The following CIITA variants were observed in gnomAD, a reference collection of about 807,000 sequenced individuals.
CIITA encodes class II major histocompatibility complex transactivator, also known as MHC class II transactivator.
Under a neutral mutation model 115.1 loss-of-function variants are expected in CIITA, and 72 were observed. The ratio of observed to expected loss-of-function variants is 0.63; its 90% CI spans 0.52 to 0.76. The LOEUF (loss-of-function observed/expected upper bound fraction) is 0.76. Among genes scored for constraint, CIITA ranks in the 30% least tolerant of loss-of-function variants. The probability of loss-of-function intolerance (pLI) is 0.00; values close to 1 mark genes in which losing one functional copy is unlikely to be tolerated. For missense variants in CIITA, 1,617 were observed against 1,463.8 expected, an observed-to-expected ratio of 1.10 and a Z score of -1.71; for synonymous variants, 763 against 635.6, an observed-to-expected ratio of 1.20 and a Z score of -3.02.
chr16:10,891,173 C>T (rs2037533092), intron 1 of CIITA, among the ~76,000 whole-genome samples: 1 of 152,036 alleles, frequency 6.6e-6, no homozygotes, highest in Admixed American at 6.6e-5. Flanking sequence ...TCTGTGATAC[C>T]ACCTGTGTCT....
At chr16:10,913,942 A>AAAATAAATAAATAAATAAATAAAT (rs59779472) in intron 13 of CIITA, among the ~76,000 whole-genome samples, 3,608 of 133,032 alleles carry the variant, frequency 0.027, 68 homozygotes, top group African/African-American at 0.048. Context: ...CCCCATCTCA[A>AAAATAAATAAATAAATAAATAAAT]AAATAAATAA....
At chr16:10,874,116 T>C (rs538995790), upstream of CIITA, among the ~76,000 whole-genome samples, 2 of 152,216 alleles carry the variant, frequency 1.3e-5, no homozygotes, top group Admixed American at 1.3e-4. Context: ...CCCAAGTAAC[T>C]GGGATTACAG....
At chr16:10,876,183 A>C (rs528204294), upstream of CIITA, among the ~76,000 whole-genome samples, 377 of 151,610 alleles carry the variant, frequency 2.5e-3, 15 homozygotes, top group South Asian at 0.075. Context: ...AACAAAAAAA[A>C]CCCCAACAAT....
chr16:10,884,786 T>C (rs919480374), intron 1 of CIITA, among the ~76,000 whole-genome samples: 2 of 152,136 alleles, frequency 1.3e-5, no homozygotes, highest in African/African-American at 4.8e-5. Context: ...CCCCAGATGC[T>C]GCAACTTTAG....
At chr16:10,899,110 T>A in intron 5 of CIITA, 108 bp downstream of exon 5, 1 of 1,054,856 alleles carries the variant, frequency 9.5e-7, no homozygotes, top group Non-Finnish European at 1.5e-6. Context: ...AAGTCCTGTC[T>A]GGTTGGGAGG....
At chr16:10,904,675 G>T (rs1453715153) in intron 9 of CIITA, 69 bp from the exon 10 acceptor site, 20 of 1,534,652 alleles carry the variant, frequency 1.3e-5, no homozygotes, top group Non-Finnish European at 1.7e-5. Flanking sequence ...GGACTAAGTG[G>T]CCCAGAGGGA....
Position 10,898,933 on chromosome 16 carries a change from G to C in CIITA, c.367G>C (p.Gly123Arg). Residue 123 changes from glycine (G) to arginine (R), a missense_variant, in exon 5 of 20, where the codon GGA becomes CGA. Physicochemically the swap from Gly to Arg is moderately radical, Grantham distance 125. Transcript: ENST00000324288. ...GGTTTTTCTCAAAGTAGAGCACATAGGACCAGATGAAGTGATCGGTGAGAG... is the reference window on the plus strand; with the variant it reads ...GGTTTTTCTCAAAGTAGAGCACATACGACCAGATGAAGTGATCGGTGAGAG... ...GLSKDIFKHI[G>R]PDEVIGESME... 13 of 1,613,928 alleles carry C rather than the reference G, an allele frequency of 8.1e-6. No individual in the cohort carries two copies. The highest frequency in any genetic ancestry group is 1.3e-5 in the African/African-American group (1 of 74,958).
intron 10 of CIITA, 116 bp downstream of exon 10, chr16:10,904,928 C>CATTT (rs2039035762): frequency 9.6e-7 from 1 of 1,036,414 alleles, no homozygotes; most frequent in Non-Finnish European, 1.5e-6. Flanking sequence ...CTCACACACT[C>CATTT]ATTTATTTAT....
At chr16:10,881,422 A>T (rs1326221401) in intron 1 of CIITA, among the ~76,000 whole-genome samples, 1 of 152,256 alleles carries the variant, frequency 6.6e-6, no homozygotes, top group Non-Finnish European at 1.5e-5. Context: ...ACCGATTCTC[A>T]TAGGAAGGAC....
intron 1 of CIITA, 115 bp from the exon 2 acceptor site, chr16:10,895,167 C>T: frequency 7.9e-7 from 1 of 1,265,132 alleles, no homozygotes; most frequent in Admixed American, 1.7e-5. Context: ...TGAATGAGCG[C>T]TTTTATTCAC....
At chr16:10,868,167 C>A (rs2143172415) in intron 1 of CIITA, among the ~76,000 whole-genome samples, 1 of 152,276 alleles carries the variant, frequency 6.6e-6, no homozygotes, top group East Asian at 1.9e-4. Context: ...CCAGAAACAG[C>A]CTAAGCGCAA....
chr16:10,906,567 A>G lies in CIITA; in HGVS notation c.1075A>G (p.Ile359Val), dbSNP rs2039171491. 1 of 1,613,394 alleles carries G rather than the reference A, an allele frequency of 6.2e-7. No individual in the cohort carries two copies. Residue 359 changes from isoleucine to valine, a missense_variant, in exon 11 of 20, where the codon ATC becomes GTC. Ile to Val is a conservative substitution (Grantham distance 29, BLOSUM62 3). Coordinates refer to ENST00000324288, the MANE Select transcript of CIITA (RefSeq NM_000246.4). ...YGAEPAGPDG[I>V]LVEVDLVQAR... ...TGCCGAGCCCGCAGGCCCGGATGGCATCCTAGTGGAGGTGGATCTGGTGCA... is the reference window on the plus strand; with the variant it reads ...TGCCGAGCCCGCAGGCCCGGATGGCGTCCTAGTGGAGGTGGATCTGGTGCA...
chr16:10,918,644 T>A, intron 16 of CIITA, 118 bp downstream of exon 16: 1 of 812,216 alleles, frequency 1.2e-6, no homozygotes, highest in East Asian at 2.5e-5. Flanking sequence ...ACCACAGCCC[T>A]GAACAAAAGG....
At chr16:10,902,313 C>T in intron 7 of CIITA, 129 bp downstream of exon 7, 1 of 1,346,962 alleles carries the variant, frequency 7.4e-7, no homozygotes, top group South Asian at 1.3e-5. Context: ...TCACTCACCT[C>T]TGCCCCAGCC....
intron 10 of CIITA, among the ~76,000 whole-genome samples, chr16:10,905,260 A>G (rs991873319): frequency 2.0e-5 from 3 of 152,216 alleles, no homozygotes; most frequent in Non-Finnish European, 2.9e-5. Context: ...CACAATCCCA[A>G]TATTATCCCC....
chr16:10,891,328 T>G lies in CIITA; in HGVS notation c.53-3954T>G, dbSNP rs1364850078. On this transcript the variant is annotated intron_variant, in intron 1 of 19. Coordinates refer to ENST00000324288, the MANE Select transcript of CIITA (RefSeq NM_000246.4). ...GCCACCGACAGGCTATGAGGTCTTG[T>G]GCAAGTCACGTCCTTCCCGGGGTCT... Among the ~76,000 whole-genome samples the G allele has an allele frequency of 3.9e-5, 6 of 151,982 alleles. No homozygotes were observed. In the East Asian group the frequency reaches 1.2e-3, roughly 29 times the overall value.
chr16:10,898,203 AG>A (rs1377083258), intron 3 of CIITA, among the ~76,000 whole-genome samples: 2 of 152,114 alleles, frequency 1.3e-5, no homozygotes, highest in Non-Finnish European at 2.9e-5. Flanking sequence ...CTATTTACTG[AG>A]TGCCTACTGT....
In CIITA at chr16:10,942,332, A is replaced by C; in HGVS notation, n.1458A>C. 4.0e-6 allele frequency: 1 copy of C among 250,594 alleles called. No homozygotes were observed. The highest frequency in any genetic ancestry group is 7.7e-6 in the Non-Finnish European group (1 of 129,162). The allele number at this position is 250,594 out of a possible 1,614,324, so 15.5% of individuals were successfully genotyped here. A position where few individuals can be genotyped will look rare whatever the true frequency, so the allele number is the denominator to read the frequency against. On this transcript the variant is annotated non_coding_transcript_exon_variant, in exon 2 of 2. Coordinates refer to the CIITA transcript ENST00000573379. The surrounding 1 kb of genome is among the most constrained non-coding windows in gnomAD (Gnocchi z 5.0). Reference sequence around the variant, plus strand: ...GCCTCGCAGAGCCGGTGGGGATCCCACCGCGGCTCAGTGTCTAGGGCCGGT... The same window carrying C: ...GCCTCGCAGAGCCGGTGGGGATCCCCCCGCGGCTCAGTGTCTAGGGCCGGT...
chr16:10,900,321 T>C (rs867521087), intron 5 of CIITA, among the ~76,000 whole-genome samples: 4 of 152,334 alleles, frequency 2.6e-5, no homozygotes, highest in Middle Eastern at 3.4e-3. Context: ...GTCTGGGAGG[T>C]CACGTTCCAT....
Sources: allele counts gnomAD v4.1 joint callset (sites outside exome capture counted in the v4.1 genomes callset), GRCh38; gene constraint gnomAD v4.1.1; non-coding constraint Gnocchi (gnomAD v3.1); transcripts MANE v1.5; gene names NCBI Gene and HGNC (gene_info 2026-07-23, HGNC 2026-07-21).